The following SUPT3H variants were observed in gnomAD, a reference collection of about 807,000 sequenced individuals.
The protein encoded by SUPT3H is transcription initiation protein SPT3 homolog.
Under a neutral mutation model 44.3 loss-of-function variants are expected in SUPT3H, and 44 were observed. That is an observed-to-expected ratio of 0.99 (90% confidence interval 0.78 to 1.28). The LOEUF (loss-of-function observed/expected upper bound fraction) is 1.28. Ranked by LOEUF, SUPT3H falls within the 50% of genes most tolerant of loss-of-function variation. The probability of loss-of-function intolerance (pLI) is 0.00; values close to 1 mark genes in which losing one functional copy is unlikely to be tolerated. For synonymous variants in SUPT3H, 124 were observed against 125.6 expected, an observed-to-expected ratio of 0.99 and a Z score of 0.09; for missense variants, 380 against 387.1, an observed-to-expected ratio of 0.98 and a Z score of 0.15.
At chr6:45,331,126 TGCGCGCGCGCGCGCACATG>T (rs1418505294) in intron 2 of SUPT3H, among the ~76,000 whole-genome samples, 1 of 132,916 alleles carries the variant, frequency 7.5e-6, no homozygotes, top group Non-Finnish European at 1.7e-5. Flanking sequence ...TGTGTGTGTG[TGCGCGCGCGCGCGCACATG>T]CTAGAGAAAG....
chr6:44,867,718 A>G (rs1775723740), intron 10 of SUPT3H, among the ~76,000 whole-genome samples: 1 of 152,188 alleles, frequency 6.6e-6, no homozygotes, highest in Non-Finnish European at 1.5e-5. Flanking sequence ...CTTTCAAAAA[A>G]GCAAAGGCCT....
intron 2 of SUPT3H, among the ~76,000 whole-genome samples, chr6:45,169,557 A>G (rs551037525): frequency 1.3e-5 from 2 of 152,298 alleles, no homozygotes; most frequent in African/African-American, 2.4e-5. Context: ...AAATGTTTTT[A>G]TATGTTCAGG....
At chr6:45,118,557 C>T (rs1801159189) in intron 2 of SUPT3H, among the ~76,000 whole-genome samples, 1 of 152,112 alleles carries the variant, frequency 6.6e-6, no homozygotes, top group Non-Finnish European at 1.5e-5. Context: ...AAATATCAAA[C>T]TCCCTATGGA....
Position 45,158,298 on chromosome 6 carries a change from A to ATATATATTTTTTTTTTTT in SUPT3H, c.102-52293_102-52292insAAAAAAAAAAAATATATA. The stretch of plus-strand genomic sequence containing the variant: ...TACATATATATATATATATATATAT[A>ATATATATTTTTTTTTTTT]TTTTTTTTTTTTTTTTTTTGAGATG... On this transcript the variant is annotated intron_variant, in intron 2 of 10. Coordinates refer to ENST00000371459, the MANE Select transcript of SUPT3H (RefSeq NM_003599.4). Among the ~76,000 whole-genome samples, 6 of 99,686 alleles carry ATATATATTTTTTTTTTTT rather than the reference A, an allele frequency of 6.0e-5. 1 individual carries two copies. The highest frequency in any genetic ancestry group is 2.0e-4 in the African/African-American group (4 of 19,980). 65.4% of individuals were successfully genotyped at this position (99,686 alleles called of 152,430 possible).
intron 2 of SUPT3H, among the ~76,000 whole-genome samples, chr6:45,116,198 T>C (rs1800820337): frequency 6.6e-6 from 1 of 152,162 alleles, no homozygotes; most frequent in Non-Finnish European, 1.5e-5. Flanking sequence ...CCTCACAAAC[T>C]AGTCAGCCTA....
At chr6:45,175,103 T>A (rs1156966155) in intron 2 of SUPT3H, among the ~76,000 whole-genome samples, 3 of 151,896 alleles carry the variant, frequency 2.0e-5, no homozygotes, top group African/African-American at 7.3e-5. Context: ...TGTTATTTAC[T>A]TACATAGAAC....
chr6:44,977,494 A>G (rs1040489181), intron 6 of SUPT3H, among the ~76,000 whole-genome samples: 1 of 152,142 alleles, frequency 6.6e-6, no homozygotes, highest in Non-Finnish European at 1.5e-5. Flanking sequence ...TTAGATTTGC[A>G]GAAAAACTTC....
intron 3 of SUPT3H, among the ~76,000 whole-genome samples, chr6:45,031,055 C>T (rs1458603586): frequency 1.3e-5 from 2 of 151,494 alleles, no homozygotes; most frequent in Non-Finnish European, 2.9e-5. Flanking sequence ...TCTTGACTTT[C>T]TTTGTCTCAT....
intron 2 of SUPT3H, among the ~76,000 whole-genome samples, chr6:45,357,076 G>A (rs1364611706): frequency 6.6e-6 from 1 of 151,926 alleles, no homozygotes; most frequent in African/African-American, 2.4e-5. Flanking sequence ...GCACGATCTC[G>A]GCTCACTGCA....
At chr6:45,286,543 T>C (rs528573296) in intron 2 of SUPT3H, among the ~76,000 whole-genome samples, 1 of 152,216 alleles carries the variant, frequency 6.6e-6, no homozygotes, top group East Asian at 1.9e-4. Flanking sequence ...GACAATGAGA[T>C]ACCAACTCAC....
intron 2 of SUPT3H, among the ~76,000 whole-genome samples, chr6:45,314,265 T>A (rs1393095633): frequency 6.6e-6 from 1 of 152,050 alleles, no homozygotes; most frequent in Non-Finnish European, 1.5e-5. Flanking sequence ...CCACTCCTCT[T>A]CAACATAGTA....
chr6:44,814,577 A>G (rs1215200410), intron 11 of SUPT3H, among the ~76,000 whole-genome samples: 1 of 152,196 alleles, frequency 6.6e-6, no homozygotes, highest in African/African-American at 2.4e-5. Context: ...TAATAAACTC[A>G]TCTACTCACC....
intron 6 of SUPT3H, among the ~76,000 whole-genome samples, chr6:44,994,171 A>T (rs1260402744): frequency 6.6e-6 from 1 of 152,246 alleles, no homozygotes; most frequent in East Asian, 1.9e-4. Context: ...TTACTCTAGG[A>T]CTGTGAGGGC....
intron 2 of SUPT3H, among the ~76,000 whole-genome samples, chr6:45,280,305 C>G (rs923476718): frequency 1.3e-5 from 2 of 151,920 alleles, no homozygotes; most frequent in African/African-American, 4.8e-5. Flanking sequence ...ATTTTGAGAC[C>G]AGCCTGGCCA....
At chr6:45,050,912 T>G in intron 3 of SUPT3H, among the ~76,000 whole-genome samples, 1 of 123,896 alleles carries the variant, frequency 8.1e-6, no homozygotes, top group South Asian at 2.7e-4. Context: ...TGAGATGGAG[T>G]CTCGCTCTGT....
At chr6:45,230,687 T>TATATATATATATA (rs1562747092) in intron 2 of SUPT3H, among the ~76,000 whole-genome samples, 88 of 99,624 alleles carry the variant, frequency 8.8e-4, no homozygotes, top group South Asian at 1.6e-3. Flanking sequence ...TATATATATA[T>TATATATATATATA]TTTTGAGATG....
At chr6:45,110,991 A>G (rs1011919467) in intron 2 of SUPT3H, among the ~76,000 whole-genome samples, 2 of 152,116 alleles carry the variant, frequency 1.3e-5, no homozygotes, top group Non-Finnish European at 2.9e-5. Flanking sequence ...AATAAACACA[A>G]AAGAGAAATA....
intron 3 of SUPT3H, among the ~76,000 whole-genome samples, chr6:45,052,932 T>G: frequency 6.6e-6 from 1 of 151,096 alleles, no homozygotes; most frequent in Non-Finnish European, 1.5e-5. Context: ...TGAGAGTGAA[T>G]AGAGTGAGAG....
At chr6:45,176,481 G>A (rs569292026) in intron 2 of SUPT3H, among the ~76,000 whole-genome samples, 14 of 152,222 alleles carry the variant, frequency 9.2e-5, no homozygotes, top group South Asian at 4.2e-4. Flanking sequence ...ACTGCAAGGC[G>A]GCAGCGAGGC....
Sources: allele counts gnomAD v4.1 joint callset (sites outside exome capture counted in the v4.1 genomes callset), GRCh38; gene constraint gnomAD v4.1.1; transcripts MANE v1.5; gene names NCBI Gene and HGNC (gene_info 2026-07-23, HGNC 2026-07-21).